ANXA4: variants seen among roughly 807,000 people sequenced by gnomAD.
The protein encoded by ANXA4 is annexin A4, also known as 35-beta calcimedin.
A neutral mutation model predicts 49.8 loss-of-function variants in ANXA4; 39 were observed. The observed-to-expected ratio is 0.78, with a 90% confidence interval of 0.61 to 1.02. The LOEUF (loss-of-function observed/expected upper bound fraction) is 1.02. ANXA4 is among the 50% of genes least tolerant of loss of function. The pLI, the probability that ANXA4 is intolerant of heterozygous loss-of-function variation, is 0.00. For missense variants in ANXA4, 360 were observed against 410.1 expected (o/e 0.88, Z 1.05); for synonymous variants, 134 against 152.5 (o/e 0.88, Z 0.89).
At chr2:69,810,047 A>G (rs2103838454) in intron 6 of ANXA4, 1 of 153,606 alleles carries the variant, frequency 6.5e-6, no homozygotes, top group East Asian at 1.9e-4. Flanking sequence ...AGCTTTTTCA[A>G]CCCCACATTT....
chr2:69,676,875 A>C (rs985498071), intron 2 of ANXA4, among the ~76,000 whole-genome samples: 1 of 152,152 alleles, frequency 6.6e-6, no homozygotes, highest in Non-Finnish European at 1.5e-5. Flanking sequence ...CCTGGGCGAC[A>C]GAGCGGGGGA....
chr2:69,808,266 TCAGA>T, intron 6 of ANXA4: 1 of 369,570 alleles, frequency 2.7e-6, no homozygotes, highest in Non-Finnish European at 5.1e-6. Context: ...TTCCTTATTA[TCAGA>T]CAAAGAATCT....
chr2:69,647,624 G>A (rs966075206), intron 1 of ANXA4, among the ~76,000 whole-genome samples: 2 of 151,936 alleles, frequency 1.3e-5, no homozygotes, highest in African/African-American at 4.8e-5. Flanking sequence ...GCCCAGGGTG[G>A]TCTTGAACTC....
chr2:69,802,636 G>A (rs915398686), intron 3 of ANXA4, among the ~76,000 whole-genome samples: 20 of 151,416 alleles, frequency 1.3e-4, no homozygotes, highest in African/African-American at 3.2e-4. Context: ...GCTTGAACCC[G>A]GGAGGCAGAG....
Position 69,801,933 on chromosome 2 carries a change from G to T in ANXA4, c.98-2600G>T, listed in dbSNP as rs1673215477. Among the ~76,000 whole-genome samples, 6 of 152,174 alleles carry T rather than the reference G, an allele frequency of 3.9e-5. No individual in the cohort carries two copies. In the South Asian group the frequency reaches 1.2e-3, roughly 31 times the overall value. ...AGAATCATGATGCTAAATGGAGGGG[G>T]TTAAGAGGACATATAAACCAATAGA... is the stretch of plus-strand genomic sequence containing the variant. On this transcript the variant is annotated intron_variant, in intron 3 of 12. Coordinates refer to ENST00000394295, the MANE Select transcript of ANXA4 (RefSeq NM_001153.5).
At chr2:69,694,322 G>A (rs996729656) in intron 2 of ANXA4, among the ~76,000 whole-genome samples, 13 of 151,568 alleles carry the variant, frequency 8.6e-5, no homozygotes, top group African/African-American at 2.4e-4. Flanking sequence ...TACCACATCC[G>A]TTGGTGCCTT....
At chr2:69,810,823 T>G in intron 7 of ANXA4, 150 bp downstream of exon 7, 2 of 643,274 alleles carry the variant, frequency 3.1e-6, no homozygotes, top group Non-Finnish European at 5.5e-6. Flanking sequence ...TTATTTCTCC[T>G]TCAGAGACTC....
chr2:69,727,171 G>A (rs1669982544), intron 3 of ANXA4, among the ~76,000 whole-genome samples: 1 of 152,206 alleles, frequency 6.6e-6, no homozygotes, highest in African/African-American at 2.4e-5. Flanking sequence ...ACTGTGCCTA[G>A]CCTCGTTTCA....
chr2:69,707,227 G>T (rs555515723), intron 2 of ANXA4, among the ~76,000 whole-genome samples: 1 of 152,240 alleles, frequency 6.6e-6, no homozygotes, highest in African/African-American at 2.4e-5. Flanking sequence ...TAGAGTCATA[G>T]GATCTGTTCC....
intron 2 of ANXA4, among the ~76,000 whole-genome samples, chr2:69,703,020 C>A (rs575323327): frequency 6.6e-6 from 1 of 152,052 alleles, no homozygotes; most frequent in Non-Finnish European, 1.5e-5. Flanking sequence ...TATTGTCCAG[C>A]GCATGCAAAG....
At chr2:69,746,243 C>T (rs1278449615) in intron 1 of ANXA4, among the ~76,000 whole-genome samples, 1 of 152,098 alleles carries the variant, frequency 6.6e-6, no homozygotes, top group Non-Finnish European at 1.5e-5. Context: ...AACCCCTGAC[C>T]TCATGATCCA....
At chr2:69,810,240 T>G in intron 6 of ANXA4, 1 of 240,682 alleles carries the variant, frequency 4.2e-6, no homozygotes, top group Non-Finnish European at 8.5e-6. Context: ...ACACCTGTAA[T>G]CCCAGCTACT....
rs147273053 is a variant in ANXA4 at position 69,731,704 on chromosome 2, A to C, written n.864+10833A>C. Among the ~76,000 whole-genome samples the C allele has an allele frequency of 9.7e-3, 1,476 of 152,282 alleles. 19 individuals are homozygous for C. The highest frequency in any genetic ancestry group is 0.032 in the African/African-American group (1,329 of 41,528). The stretch of plus-strand genomic sequence containing the variant: ...AAGGCTTCCTTGTCAGCTGTCATGC[A>C]TCTGAGTAAAGGGTGGGGTAGGACA... On this transcript the variant is annotated intron_variant and non_coding_transcript_variant, in intron 3 of 3. Coordinates refer to the ANXA4 transcript ENST00000418066.
intron 1 of ANXA4, among the ~76,000 whole-genome samples, chr2:69,762,033 A>C (rs1379663065): frequency 6.6e-6 from 1 of 152,254 alleles, no homozygotes; most frequent in Non-Finnish European, 1.5e-5. Context: ...ATGGTTGAAC[A>C]ATGTAGCCCT....
At chr2:69,786,625 T>C (rs959305145) in intron 2 of ANXA4, among the ~76,000 whole-genome samples, 1 of 152,226 alleles carries the variant, frequency 6.6e-6, no homozygotes, top group Middle Eastern at 3.2e-3. Context: ...ATATTTTTAT[T>C]ATGGAAAACT....
At chr2:69,809,570 C>T (rs1448411257) in intron 6 of ANXA4, 1 of 152,128 alleles carries the variant, frequency 6.6e-6, no homozygotes, top group African/African-American at 2.4e-5. Context: ...TTGACCTCCC[C>T]AGGCTGAGAT....
intron 1 of ANXA4, among the ~76,000 whole-genome samples, chr2:69,742,641 T>C (rs1045246586): frequency 6.6e-6 from 1 of 152,222 alleles, no homozygotes; most frequent in Admixed American, 6.5e-5. Flanking sequence ...CTCGTGTGTC[T>C]AATGCCCTCG....
At chr2:69,722,598 G>A (rs953777042) in intron 3 of ANXA4, among the ~76,000 whole-genome samples, 1 of 151,802 alleles carries the variant, frequency 6.6e-6, no homozygotes, top group African/African-American at 2.4e-5. Flanking sequence ...GAGATTAGAG[G>A]TTACTAGGGT....
intron 3 of ANXA4, among the ~76,000 whole-genome samples, chr2:69,789,835 G>T (rs920250889): frequency 4.6e-5 from 7 of 152,100 alleles, no homozygotes; most frequent in African/African-American, 1.7e-4. Flanking sequence ...TGCTTATCTG[G>T]GAGGGAGAGT....
Sources: gnomAD v4.1 joint callset for allele counts (sites outside exome capture counted in the v4.1 genomes callset) on GRCh38, gnomAD v4.1.1 for gene constraint, MANE v1.5 for transcripts, NCBI Gene and HGNC (gene_info 2026-07-23, HGNC 2026-07-21) for gene names.